The following MYOZ3 variants were observed in gnomAD, a reference collection of about 807,000 sequenced individuals.
The protein encoded by MYOZ3 is myozenin-3.
A neutral mutation model predicts 26.5 loss-of-function variants in MYOZ3; 19 were observed. The observed-to-expected ratio is 0.72, with a 90% CI of 0.50 to 1.05. MYOZ3 has a LOEUF of 1.05. MYOZ3 is among the 50% of genes least tolerant of loss of function. The pLI is 0.00. For synonymous variants in MYOZ3, 135 were observed against 138.8 expected (o/e 0.97, Z 0.19); for missense variants, 322 against 337.1 (o/e 0.96, Z 0.35).
chr5:150,671,792 G>T lies in MYOZ3; in HGVS notation c.308G>T (p.Arg103Leu), dbSNP rs780818546. 6.2e-7 allele frequency: 1 copy of T among 1,612,892 alleles called. No homozygotes were observed. ...AATGGCCCTGAGGGGCCGAACTACC[G>T]CTCGGAGCTCCACATCTTCCCGGCC... ...NANGPEGPNY[R>L]SELHIFPASP... The change falls in exon 5 of 7, where the codon CGC becomes CTC. Residue 103 changes from arginine to leucine, a missense_variant. Coordinates refer to ENST00000517768, the MANE Select transcript of MYOZ3 (RefSeq NM_001122853.3).
chr5:150,666,656 C>CAT (rs905632895), intron 2 of MYOZ3, among the ~76,000 whole-genome samples: 4 of 145,426 alleles, frequency 2.8e-5, no homozygotes, highest in Non-Finnish European at 6.0e-5. Context: ...TATACACACA[C>CAT]ATATATATAA....
At position 150,671,795 on chromosome 5, in the gene MYOZ3, C is replaced by A; in HGVS notation, c.311C>A (p.Ser104Ter). Residue 104 changes from serine to a stop codon, truncating the protein, a stop_gained, in exon 5 of 7, where the codon TCG becomes TAG. Coordinates refer to ENST00000517768, the MANE Select transcript of MYOZ3 (RefSeq NM_001122853.3). LOFTEE classifies it high-confidence loss of function. ...GGCCCTGAGGGGCCGAACTACCGCT[C>A]GGAGCTCCACATCTTCCCGGCCTCA... ...ANGPEGPNYRSELHIFPASPG... is the reference protein window; with the variant it reads ...ANGPEGPNYR 1 of 1,613,032 alleles carries A rather than the reference C, an allele frequency of 6.2e-7. No individual in the cohort carries two copies. The highest frequency in any genetic ancestry group is 8.5e-7 in the Non-Finnish European group (1 of 1,179,904).
chr5:150,672,171 G>A, intron 5 of MYOZ3, 169 bp from the exon 6 acceptor site: 1 of 1,095,456 alleles, frequency 9.1e-7, no homozygotes, highest in Non-Finnish European at 1.4e-6. Context: ...CCTGGGATGG[G>A]GAGGGGTCTC....
chr5:150,666,776 T>C (rs1178945000), intron 2 of MYOZ3, among the ~76,000 whole-genome samples: 2 of 151,698 alleles, frequency 1.3e-5, no homozygotes, highest in Non-Finnish European at 2.9e-5. Context: ...TTCTTTTTTT[T>C]TTGAGACAGC....
chr5:150,674,941 C>T (rs980503081), intron 6 of MYOZ3, among the ~76,000 whole-genome samples: 5 of 152,044 alleles, frequency 3.3e-5, no homozygotes, highest in African/African-American at 7.3e-5. Context: ...ACCTGGGAGG[C>T]GGAGGTTGCA....
At position 150,676,755 on chromosome 5, in the gene MYOZ3, G is replaced by A. The variant is rs774800798; in HGVS notation, c.636G>A (p.Arg212=). ...CCCTCGTGGGGGGCACTTTTCCCAG[G>A]CCAGGCACCCCCTTCATCCCGGAGC... The part of the protein sequence containing the change: ...GGPLVGGTFP[R]PGTPFIPEPL... Residue 212 remains arginine (R), a synonymous_variant, in exon 7 of 7, where the codon AGG becomes AGA. Transcript: ENST00000517768. 6.2e-7 allele frequency: 1 copy of A among 1,614,022 alleles called. No individual in the cohort carries two copies. Among genetic ancestry groups the A allele is most frequent in the South Asian group, 1.1e-5 (1 of 91,080 alleles).
Position 150,666,067 on chromosome 5 carries a change from T to C in MYOZ3, c.61+3065T>C, listed in dbSNP as rs372186611. Among the ~76,000 whole-genome samples the C allele has an allele frequency of 2.1e-4, 32 of 151,028 alleles. No individual in the cohort carries two copies. In the Middle Eastern group the frequency reaches 0.024, roughly 116 times the overall value. On this transcript the variant is annotated intron_variant, in intron 2 of 6. Transcript: ENST00000517768. ...AAAAAAAAAAAGAACAATATTGAGC[T>C]CAGCTCATCTGTATAGTATTTCAGA... is the stretch of plus-strand genomic sequence containing the variant.
intron 2 of MYOZ3, chr5:150,669,997 A>G (rs1362926803): frequency 2.6e-5 from 4 of 152,426 alleles, no homozygotes; most frequent in African/African-American, 9.7e-5. Context: ...TTAAAAGAAC[A>G]CAGGTCTAAA....
At position 150,672,447 on chromosome 5, in the gene MYOZ3, C is replaced by T; in HGVS notation, c.532C>T (p.Gln178Ter). 1 of 1,609,770 alleles carries T rather than the reference C, an allele frequency of 6.2e-7. No individual in the cohort carries two copies. The highest frequency in any genetic ancestry group is 8.5e-7 in the Non-Finnish European group (1 of 1,177,762). Residue 178 changes from glutamine to a stop codon, truncating the protein, a stop_gained, in exon 6 of 7, where the codon CAG (glutamine) becomes TAG (stop). Transcript: ENST00000517768. LOFTEE classifies it high-confidence loss of function. Reference sequence around the variant, plus strand: ...GGAGTTCGTCAGCTACCGGGACTACCAGAGCGATGGCCGAAGTCACACCCC... The same window carrying T: ...GGAGTTCGTCAGCTACCGGGACTACTAGAGCGATGGCCGAAGTCACACCCC... Reference protein sequence around the residue: ...WQEFVSYRDYQSDGRSHTPSP... With the variant: ...WQEFVSYRDY
chr5:150,673,933 G>A (rs921483045), intron 6 of MYOZ3, among the ~76,000 whole-genome samples: 1 of 152,316 alleles, frequency 6.6e-6, no homozygotes, highest in East Asian at 1.9e-4. Context: ...CAGACCACAC[G>A]TGGAGACTGG....
intron 2 of MYOZ3, among the ~76,000 whole-genome samples, chr5:150,666,350 A>G (rs1308780006): frequency 6.6e-6 from 1 of 152,046 alleles, no homozygotes; most frequent in East Asian, 1.9e-4. Flanking sequence ...GCGGTGGCTC[A>G]CACCTGTAAT....
chr5:150,676,104 C>T (rs1381507145), intron 6 of MYOZ3, among the ~76,000 whole-genome samples: 1 of 152,106 alleles, frequency 6.6e-6, no homozygotes, highest in African/African-American at 2.4e-5. Context: ...GGCCTTTTGT[C>T]CTAAGGGGAG....
rs999434710 is a variant in MYOZ3 at position 150,677,034 on chromosome 5, G to C, written c.*159G>C. ...CCAAGTTCAGTCGTCCCAAAACATG[G>C]GTGTGTTTCAAAATTACCTGGGGAT... On this transcript the variant is annotated 3_prime_UTR_variant, in exon 7 of 7. Coordinates refer to ENST00000517768, the MANE Select transcript of MYOZ3 (RefSeq NM_001122853.3). 7.7e-5 allele frequency: 51 copies of C among 666,656 alleles called. No homozygotes were observed. The highest frequency in any genetic ancestry group is 1.0e-4 in the Non-Finnish European group (40 of 401,128). 41.3% of individuals were successfully genotyped at this position (666,656 alleles called of 1,614,324 possible).
Position 150,671,918 on chromosome 5 carries a change from C to G in MYOZ3, c.424+10C>G, listed in dbSNP as rs747031278. The G allele has an allele frequency of 6.6e-7, 1 of 1,517,352 alleles. No individual in the cohort carries two copies. Among genetic ancestry groups the G allele is most frequent in the Non-Finnish European group, 8.8e-7 (1 of 1,140,058 alleles). 94.0% of individuals were successfully genotyped at this position (1,517,352 alleles called of 1,614,324 possible). Reference sequence around the variant, plus strand: ...AGCGCCCTGGCGCCAGGTGAGTGGCCTCCTCGGGTCCCGGGACCAGGGCTG... The same window carrying G: ...AGCGCCCTGGCGCCAGGTGAGTGGCGTCCTCGGGTCCCGGGACCAGGGCTG... On this transcript the variant is annotated intron_variant, in intron 5 of 6. Coordinates refer to ENST00000517768, the MANE Select transcript of MYOZ3 (RefSeq NM_001122853.3).
intron 2 of MYOZ3, among the ~76,000 whole-genome samples, chr5:150,665,665 G>A (rs1758796581): frequency 6.6e-6 from 1 of 151,824 alleles, no homozygotes; most frequent in Non-Finnish European, 1.5e-5. Context: ...CTGGGCCCAA[G>A]CAATCCACCC....
intron 6 of MYOZ3, among the ~76,000 whole-genome samples, chr5:150,673,582 C>T (rs1758958962): frequency 1.3e-5 from 2 of 152,178 alleles, no homozygotes; most frequent in South Asian, 2.1e-4. Flanking sequence ...ACTCGTGATC[C>T]ACCCGCCTTT....
Position 150,670,591 on chromosome 5 carries a change from C to T in MYOZ3, c.169C>T (p.Arg57Cys). 3 of 1,612,758 alleles carry T rather than the reference C, an allele frequency of 1.9e-6. No individual in the cohort carries two copies. Among genetic ancestry groups the T allele is most frequent in the South Asian group, 1.1e-5 (1 of 90,914 alleles). ...GTCCCTCCTCTTCCAGAAGAGGCAG[C>T]GCCGTGTGCAGAAGTTCACTTTCGA... is the stretch of plus-strand genomic sequence containing the variant. ...RGSLLFQKRQ[R>C]RVQKFTFELA... Residue 57 changes from arginine to cysteine, a missense_variant, in exon 3 of 7, where the codon CGC becomes TGC. By Grantham distance (180) the Arg-to-Cys change is radical. Coordinates refer to ENST00000517768, the MANE Select transcript of MYOZ3 (RefSeq NM_001122853.3).
In MYOZ3 at chr5:150,668,178, G is replaced by A. The variant is rs74822720; in HGVS notation, c.62-2306G>A. Among the ~76,000 whole-genome samples, 1,148 of 152,170 alleles carry A rather than the reference G, an allele frequency of 7.5e-3. 16 individuals are homozygous for A. Among genetic ancestry groups the A allele is most frequent in the African/African-American group, 0.026 (1,062 of 41,488 alleles). On this transcript the variant is annotated intron_variant, in intron 2 of 6. Coordinates refer to ENST00000517768, the MANE Select transcript of MYOZ3 (RefSeq NM_001122853.3). ...TCCTGCGTCCTGGATTTGGCTTATCGCTTCCTCATGGTGTGGTTAAACTTG... is the reference window on the plus strand; with the variant it reads ...TCCTGCGTCCTGGATTTGGCTTATCACTTCCTCATGGTGTGGTTAAACTTG...
intron 2 of MYOZ3, among the ~76,000 whole-genome samples, chr5:150,668,075 A>G (rs190278943): frequency 1.1e-4 from 16 of 152,262 alleles, no homozygotes; most frequent in African/African-American, 3.9e-4. Context: ...ATCTCCTTTA[A>G]TCTAAAGCAA....
Sources: allele counts gnomAD v4.1 joint callset (sites outside exome capture counted in the v4.1 genomes callset), GRCh38; gene constraint gnomAD v4.1.1; transcripts MANE v1.5; gene names NCBI Gene and HGNC (gene_info 2026-07-23, HGNC 2026-07-21).